Variants in TRMT10A observed in about 807,000 individuals in gnomAD.
TRMT10A encodes the protein tRNA methyltransferase 10A, also known as tRNA methyltransferase 10 homolog A.
A neutral mutation model predicts 40.4 loss-of-function variants in TRMT10A; 37 were observed. That is an observed-to-expected ratio of 0.92 (90% CI 0.71 to 1.21). The LOEUF (loss-of-function observed/expected upper bound fraction) is 1.21, where lower values mean the gene tolerates loss of function less well. TRMT10A is among the 50% of genes most tolerant of loss of function. TRMT10A has a pLI of 0.00. For missense variants in TRMT10A, 388 were observed against 404.3 expected (o/e 0.96, Z 0.35); for synonymous variants, 103 against 134.1 (o/e 0.77, Z 1.60).
chr4:99,557,342 T>C lies in TRMT10A; in HGVS notation c.420+3A>G. On this transcript the variant is annotated splice_donor_region_variant and intron_variant, in intron 4 of 7. Transcript: ENST00000394876. The stretch of plus-strand genomic sequence containing the variant: ...GAGTCTGCTTTAAAATCTTTACACA[T>C]ACCTGCACAGGATGCAGTGCCCGTC... The C allele has an allele frequency of 6.2e-7, 1 of 1,612,350 alleles. No individual in the cohort carries two copies.
At chr4:99,557,730 C>G in intron 3 of TRMT10A, 1 of 398,520 alleles carries the variant, frequency 2.5e-6, no homozygotes. Context: ...TCATGTTTTA[C>G]CAACAACACT....
chr4:99,554,722 C>CAAAAAAAAAAAAAAAAAAA (rs532448105), intron 5 of TRMT10A, among the ~76,000 whole-genome samples: 3 of 90,856 alleles, frequency 3.3e-5, no homozygotes, highest in Non-Finnish European at 4.3e-5. Context: ...GACTACGTTT[C>CAAAAAAAAAAAAAAAAAAA]AAAAAAAAAA....
At chr4:99,549,542 C>G (rs770561286) in intron 7 of TRMT10A, among the ~76,000 whole-genome samples, 186 bp from the exon 8 acceptor site, 31 of 152,242 alleles carry the variant, frequency 2.0e-4, no homozygotes, top group Middle Eastern at 6.8e-3. Flanking sequence ...TCTATTACCT[C>G]CTATCTAGCT....
At chr4:99,562,214 T>TTTGTGTGTGTGTGG in intron 1 of TRMT10A, among the ~76,000 whole-genome samples, 1 of 148,900 alleles carries the variant, frequency 6.7e-6, no homozygotes, top group South Asian at 2.1e-4. Flanking sequence ...TGTGTGTGTG[T>TTTGTGTGTGTGTGG]GTGTGTGTGT....
intron 5 of TRMT10A, among the ~76,000 whole-genome samples, chr4:99,555,586 A>G (rs1724133292): frequency 6.6e-6 from 1 of 152,242 alleles, no homozygotes; most frequent in South Asian, 2.1e-4. Flanking sequence ...CAGTATACCC[A>G]AAAGTTTATC....
intron 1 of TRMT10A, among the ~76,000 whole-genome samples, chr4:99,561,226 A>G (rs1724378936): frequency 6.6e-6 from 1 of 152,100 alleles, no homozygotes; most frequent in African/African-American, 2.4e-5. Context: ...CGGCCTCCTG[A>G]AGTGCTGGGA....
chr4:99,559,194 T>C lies in TRMT10A; in HGVS notation c.145A>G (p.Ile49Val), dbSNP rs2110192592. Reference sequence around the variant, plus strand: ...TGCTCTTCCCATTGTTTCTGTTTTATTAGTTTTTTCATTTGTCGTTTAGAT... The same window carrying C: ...TGCTCTTCCCATTGTTTCTGTTTTACTAGTTTTTTCATTTGTCGTTTAGAT... ...PISKRQMKKL[I>V]KQKQWEEQRE... The change falls in exon 2 of 8, where the codon ATA becomes GTA. Residue 49 changes from isoleucine (I) to valine (V), a missense_variant. Ile to Val is a conservative substitution (Grantham distance 29). Transcript: ENST00000394876. The C allele has an allele frequency of 3.1e-6, 5 of 1,613,338 alleles. No individual in the cohort carries two copies. The highest frequency in any genetic ancestry group is 1.7e-4 in the Middle Eastern group (1 of 6,058).
At chr4:99,554,054 A>G (rs1724065584) in intron 5 of TRMT10A, 120 bp from the exon 6 acceptor site, 1 of 1,004,126 alleles carries the variant, frequency 1.0e-6, no homozygotes, top group African/African-American at 1.6e-5. Flanking sequence ...AAAGTTTGAA[A>G]TAATATAATT....
At chr4:99,562,000 G>C (rs377686457) in intron 1 of TRMT10A, among the ~76,000 whole-genome samples, 2 of 151,948 alleles carry the variant, frequency 1.3e-5, no homozygotes, top group African/African-American at 4.8e-5. Flanking sequence ...GCGATACCTC[G>C]TCTCTACTAA....
intron 7 of TRMT10A, among the ~76,000 whole-genome samples, chr4:99,549,689 T>G (rs1044997544): frequency 6.6e-6 from 1 of 152,204 alleles, no homozygotes; most frequent in Non-Finnish European, 1.5e-5. Flanking sequence ...GCTAACAACC[T>G]AGTTAGCATT....
At chr4:99,553,385 T>TA (rs1261918300) in intron 6 of TRMT10A, among the ~76,000 whole-genome samples, 1 of 152,182 alleles carries the variant, frequency 6.6e-6, no homozygotes, top group East Asian at 1.9e-4. Flanking sequence ...ATAACATATT[T>TA]AAAAACTAGT....
chr4:99,549,341 A>G lies in TRMT10A; in HGVS notation c.767T>C (p.Leu256Pro). The G allele has an allele frequency of 6.2e-7, 1 of 1,614,058 alleles. No homozygotes were observed. Among genetic ancestry groups the G allele is most frequent in the Non-Finnish European group, 8.5e-7 (1 of 1,179,924 alleles). Residue 256 changes from leucine (L) to proline (P), a missense_variant, in exon 8 of 8, where the codon CTG becomes CCG. Physicochemically the swap from Leu to Pro is moderately conservative, Grantham distance 98. Coordinates refer to ENST00000394876, the MANE Select transcript of TRMT10A (RefSeq NM_001134665.3). Reference sequence around the variant, plus strand: ...CCAGTCTCTTGTTTCCAGGTATTCCAGAATAATTTCAAACACTGCAATAAA... The same window carrying G: ...CCAGTCTCTTGTTTCCAGGTATTCCGGAATAATTTCAAACACTGCAATAAA... ...LAVNHVFEII[L>P]EYLETRDWQE... is the part of the protein sequence containing the mutation.
intron 5 of TRMT10A, among the ~76,000 whole-genome samples, chr4:99,554,582 G>A (rs1029669962): frequency 6.6e-5 from 10 of 151,966 alleles, no homozygotes; most frequent in Non-Finnish European, 1.3e-4. Context: ...TTAGCTGGGT[G>A]TGGTGGCGGG....
chr4:99,559,118 A>C, intron 2 of TRMT10A, 36 bp downstream of exon 2: 1 of 1,580,042 alleles, frequency 6.3e-7, no homozygotes. Flanking sequence ...CATATCTCTA[A>C]ATAGGAAGAG....
In TRMT10A at chr4:99,562,201, A is replaced by ATATGTG. The variant is rs374134499; in HGVS notation, c.-24+1711_-24+1712insCACATA. Among the ~76,000 whole-genome samples, 102 of 136,184 alleles carry ATATGTG rather than the reference A, an allele frequency of 7.5e-4. 3 individuals carry two copies. In the East Asian group the frequency reaches 0.018, roughly 24 times the overall value. The allele number at this position is 136,184 out of a possible 152,430, so 89.3% of individuals were successfully genotyped here. A position where few individuals can be genotyped will look rare whatever the true frequency, so the allele number is the denominator to read the frequency against. ...AAAAAAAAAAATTATATATATATATATGTGTGTGTGTGTGTGTGTGTGTGT... is the reference window on the plus strand; with the variant it reads ...AAAAAAAAAAATTATATATATATATATATGTGTGTGTGTGTGTGTGTGTGTGTGTGT... On this transcript the variant is annotated intron_variant, in intron 1 of 7. Transcript: ENST00000394876.
At chr4:99,554,858 A>G (rs1724106605) in intron 5 of TRMT10A, among the ~76,000 whole-genome samples, 1 of 152,214 alleles carries the variant, frequency 6.6e-6, no homozygotes, top group Admixed American at 6.5e-5. Flanking sequence ...CACAGGTACA[A>G]AATTGAACAA....
Position 99,549,112 on chromosome 4 carries a change from A to C in TRMT10A, c.996T>G (p.Ser332=), listed in dbSNP as rs932488970. 6.2e-7 allele frequency: 1 copy of C among 1,613,952 alleles called. No homozygotes were observed. The highest frequency in any genetic ancestry group is 1.3e-5 in the African/African-American group (1 of 74,914). The change falls in exon 8 of 8, where the codon TCT becomes TCG. Residue 332 remains serine, a synonymous_variant. Transcript: ENST00000394876. ...ATTAGTGTGGCAGAGAGTTCACTGT[A>C]GATTCAGTGTGATTTTCCTTATCCT... The part of the protein sequence containing the change: ...EKQDKENHTE[S]TVNSLPH
rs546855456 is a variant in TRMT10A at position 99,553,994 on chromosome 4, A to C, written c.496-60T>G. 1.1e-4 allele frequency: 172 copies of C among 1,534,534 alleles called. 1 individual carries two copies. The African/African-American group carries it at 2.1e-3, about 18-fold the overall frequency. On this transcript the variant is annotated intron_variant, in intron 5 of 7. Coordinates refer to ENST00000394876, the MANE Select transcript of TRMT10A (RefSeq NM_001134665.3). ...TAAGACCTTATGAAAGTTGGCTAAA[A>C]ATGATTATTCTCTTTTCCCAAAACA... is the stretch of plus-strand genomic sequence containing the variant.
chr4:99,550,774 A>G (rs1435492255), intron 7 of TRMT10A, 111 bp downstream of exon 7: 4 of 718,212 alleles, frequency 5.6e-6, no homozygotes, highest in South Asian at 1.9e-5. Context: ...ACTTTTTACA[A>G]TTTTGTCTCC....
Sources: gnomAD v4.1 joint callset for allele counts (sites outside exome capture counted in the v4.1 genomes callset) on GRCh38, gnomAD v4.1.1 for gene constraint, MANE v1.5 for transcripts, NCBI Gene and HGNC (gene_info 2026-07-23, HGNC 2026-07-21) for gene names.